The following KLRG1 variants were observed in gnomAD, a reference collection of about 807,000 sequenced individuals.
The protein encoded by KLRG1 is killer cell lectin-like receptor subfamily G member 1.
In KLRG1, 16 loss-of-function variants were observed where a neutral mutation model predicts 21.8. The ratio of observed to expected loss-of-function variants is 0.73; its 90% CI spans 0.50 to 1.11. KLRG1 has a LOEUF of 1.11. Ranked by LOEUF, KLRG1 falls within the 50% of genes most tolerant of loss-of-function variation. KLRG1 has a pLI of 0.00. For synonymous variants in KLRG1, 69 were observed against 75.9 expected (o/e 0.91, Z 0.47); for missense variants, 173 against 218.3 (o/e 0.79, Z 1.31).
At chr12:9,079,361 A>G in the KLRG1 span, 4 of 1,557,854 alleles carry the variant, frequency 2.6e-6, no homozygotes, top group Admixed American at 6.7e-5. Context: ...AAACAGCACA[A>G]TGGATTAATG....
chr12:9,095,060 T>G, the KLRG1 span: 1 of 1,592,616 alleles, frequency 6.3e-7, no homozygotes. Context: ...ATCTTTGAGT[T>G]GGTGAATGCC....
the KLRG1 span, chr12:9,201,244 G>A: frequency 7.4e-7 from 1 of 1,345,114 alleles, no homozygotes; most frequent in Non-Finnish European, 1.0e-6. Context: ...TTTTAAAGTA[G>A]TTCATCTGTC....
At chr12:9,094,967 G>A in the KLRG1 span, 5 of 1,446,734 alleles carry the variant, frequency 3.5e-6, no homozygotes, top group Non-Finnish European at 4.6e-6. Flanking sequence ...TTAATTTTTT[G>A]TTTACCATAA....
intron 1 of KLRG1, among the ~76,000 whole-genome samples, chr12:8,983,783 G>A (rs1052021389): frequency 6.6e-6 from 1 of 152,002 alleles, no homozygotes; most frequent in South Asian, 2.1e-4. Flanking sequence ...TTCATGTGTT[G>A]TTTCCCATTA....
chr12:9,151,557 G>A, the KLRG1 span: 1 of 1,517,928 alleles, frequency 6.6e-7, no homozygotes, highest in Non-Finnish European at 9.1e-7. Flanking sequence ...GACTCACTTA[G>A]AAAGACGACC....
At chr12:9,006,231 T>C (rs1947468167) in intron 3 of KLRG1, among the ~76,000 whole-genome samples, 1 of 152,216 alleles carries the variant, frequency 6.6e-6, no homozygotes, top group African/African-American at 2.4e-5. Context: ...AATATGGTGA[T>C]ATGTGCTTTA....
the KLRG1 span, chr12:9,079,984 G>T: frequency 1.1e-6 from 1 of 926,940 alleles, no homozygotes; most frequent in Non-Finnish European, 1.5e-6. Context: ...AAGAAGAAGA[G>T]AAGAAAGAAG....
chr12:9,191,660 C>T, the KLRG1 span, among the ~76,000 whole-genome samples: 9 of 152,014 alleles, frequency 5.9e-5, no homozygotes, highest in African/African-American at 9.7e-5. Flanking sequence ...AAAATGTTCA[C>T]GGGTTCTCTT....
chr12:9,153,730 G>A, the KLRG1 span, among the ~76,000 whole-genome samples: 1 of 152,100 alleles, frequency 6.6e-6, no homozygotes, highest in African/African-American at 2.4e-5. Flanking sequence ...GAGACAAGTT[G>A]CACTTTCTTG....
chr12:8,972,315 T>A (rs34285491), intron 1 of KLRG1, among the ~76,000 whole-genome samples: 6 of 151,916 alleles, frequency 3.9e-5, no homozygotes, highest in South Asian at 2.1e-4. Flanking sequence ...CCGCCACCAC[T>A]CCTGGCTAAT....
intron 1 of KLRG1, among the ~76,000 whole-genome samples, chr12:8,990,532 A>G (rs982190985): frequency 3.3e-5 from 5 of 152,006 alleles, no homozygotes; most frequent in African/African-American, 1.2e-4. Flanking sequence ...TATACTTGGG[A>G]TATTTAGACC....
the KLRG1 span, among the ~76,000 whole-genome samples, chr12:9,120,355 A>T: frequency 6.6e-6 from 1 of 152,200 alleles, no homozygotes; most frequent in African/African-American, 2.4e-5. Context: ...GTAGAGCGAA[A>T]AAAAGGAAGG....
At chr12:9,113,307 C>G in the KLRG1 span, 1 of 1,587,672 alleles carries the variant, frequency 6.3e-7, no homozygotes, top group African/African-American at 1.3e-5. Flanking sequence ...TACTAGATCC[C>G]TATGACCCTG....
chr12:9,089,322 C>A, the KLRG1 span: 1 of 1,098,674 alleles, frequency 9.1e-7, no homozygotes, highest in South Asian at 1.3e-5. Flanking sequence ...ATGGAGGGAC[C>A]ACAGATATTT....
At chr12:8,979,650 T>C (rs1196997402) in intron 1 of KLRG1, among the ~76,000 whole-genome samples, 1 of 152,158 alleles carries the variant, frequency 6.6e-6, no homozygotes, top group African/African-American at 2.4e-5. Context: ...TTACATATGT[T>C]TTCTGCTTCT....
At chr12:9,044,528 G>T in the KLRG1 span, among the ~76,000 whole-genome samples, 1 of 152,060 alleles carries the variant, frequency 6.6e-6, no homozygotes, top group South Asian at 2.1e-4. Context: ...TGAGCCAGGC[G>T]TGGTGGCGTG....
At chr12:8,961,499 A>G (rs1190400894) in intron 1 of KLRG1, among the ~76,000 whole-genome samples, 1 of 152,028 alleles carries the variant, frequency 6.6e-6, no homozygotes, top group African/African-American at 2.4e-5. Flanking sequence ...TGCAACCTCC[A>G]TCTCCCAGGT....
chr12:9,067,893 A>G, the KLRG1 span: 76 of 1,546,386 alleles, frequency 4.9e-5, no homozygotes, highest in African/African-American at 8.0e-4. Context: ...CCATGAGCAG[A>G]GAGTATTCTT....
At chr12:9,049,967 T>C in the KLRG1 span, among the ~76,000 whole-genome samples, 1 of 152,194 alleles carries the variant, frequency 6.6e-6, no homozygotes, top group East Asian at 1.9e-4. Flanking sequence ...ATTCCTCACT[T>C]CAAATCAAGA....
Sources: gnomAD v4.1 joint callset for allele counts (sites outside exome capture counted in the v4.1 genomes callset) on GRCh38, gnomAD v4.1.1 for gene constraint, MANE v1.5 for transcripts, NCBI Gene and HGNC (gene_info 2026-07-23, HGNC 2026-07-21) for gene names.